Variants in RBMS3 observed in about 807,000 individuals in gnomAD.
RBMS3 encodes RNA binding motif single stranded interacting protein 3.
In RBMS3, 27 loss-of-function variants were observed where a neutral mutation model predicts 66.8. That is an observed-to-expected ratio of 0.40 (90% CI 0.30 to 0.56). The LOEUF (loss-of-function observed/expected upper bound fraction) is 0.56. Ranked by LOEUF, RBMS3 falls within the 20% of genes least tolerant of loss-of-function variation. The pLI is 0.40. For missense variants in RBMS3, 513 were observed against 549.5 expected (o/e 0.93, Z 0.66); for synonymous variants, 188 against 183.0 (o/e 1.03, Z -0.22).
Position 29,505,373 on chromosome 3 carries a change from A to G in RBMS3, c.307+16874A>G, listed in dbSNP as rs1209608561. 2.6e-5 allele frequency among the ~76,000 whole-genome samples: 4 copies of G among 151,970 alleles called. 1 individual carries two copies. Among genetic ancestry groups the G allele is most frequent in the South Asian group, 4.1e-4 (2 of 4,824 alleles). On this transcript the variant is annotated intron_variant, in intron 3 of 14. Transcript: ENST00000383767. Reference sequence around the variant, plus strand: ...TCAAAACTCAATTGACTGTAATCACATGGATTTGTTTCTGGGATCTCTATT... The same window carrying G: ...TCAAAACTCAATTGACTGTAATCACGTGGATTTGTTTCTGGGATCTCTATT...
chr3:29,317,103 A>G (rs1310905881), intron 1 of RBMS3, among the ~76,000 whole-genome samples: 2 of 151,750 alleles, frequency 1.3e-5, no homozygotes, highest in African/African-American at 4.8e-5. Flanking sequence ...ACTCAGTCAA[A>G]TATTTGAAAA....
At chr3:29,562,224 C>A (rs570906428) in intron 3 of RBMS3, among the ~76,000 whole-genome samples, 2 of 152,162 alleles carry the variant, frequency 1.3e-5, no homozygotes, top group East Asian at 3.9e-4. Flanking sequence ...TGGATGGGCC[C>A]TGCAATAAAC....
At chr3:29,392,677 A>T (rs945204372) in intron 1 of RBMS3, among the ~76,000 whole-genome samples, 27 of 152,302 alleles carry the variant, frequency 1.8e-4, no homozygotes, top group African/African-American at 6.3e-4. Flanking sequence ...TAAACTGCAA[A>T]CCATGATTCT....
intron 4 of RBMS3, among the ~76,000 whole-genome samples, chr3:29,592,471 C>T (rs1164963359): frequency 6.6e-6 from 1 of 152,248 alleles, no homozygotes; most frequent in East Asian, 1.9e-4. Context: ...CCATCTCACA[C>T]CAGTTAGAAT....
chr3:29,524,391 G>A (rs2044991084), intron 3 of RBMS3, among the ~76,000 whole-genome samples: 1 of 146,592 alleles, frequency 6.8e-6, no homozygotes, highest in African/African-American at 2.5e-5. Context: ...CTTTAACCTG[G>A]AAGATATGAG....
At chr3:29,416,235 G>A (rs2040471888) in intron 1 of RBMS3, among the ~76,000 whole-genome samples, 1 of 152,134 alleles carries the variant, frequency 6.6e-6, no homozygotes, top group South Asian at 2.1e-4. Flanking sequence ...AGATGGAGGT[G>A]TGGCTGGAAA....
chr3:29,625,705 T>C (rs1267378162), intron 4 of RBMS3, among the ~76,000 whole-genome samples: 1 of 139,996 alleles, frequency 7.1e-6, no homozygotes, highest in Non-Finnish European at 1.5e-5. Context: ...TTAAAGTAAA[T>C]AAATAAATAA....
intron 1 of RBMS3, among the ~76,000 whole-genome samples, chr3:29,324,290 C>T (rs1325457215): frequency 1.3e-5 from 2 of 152,108 alleles, no homozygotes; most frequent in African/African-American, 4.8e-5. Flanking sequence ...TTCTTCTTTC[C>T]TTTTTCAGTT....
intron 12 of RBMS3, among the ~76,000 whole-genome samples, chr3:29,983,113 T>C (rs1297694955): frequency 6.6e-6 from 1 of 152,216 alleles, no homozygotes; most frequent in African/African-American, 2.4e-5. Context: ...CATATATATT[T>C]AGGATAATTA....
rs183722298 is a variant in RBMS3, at chr3:29,431,539, C to T, written c.76-3204C>T. 2.5e-3 allele frequency among the ~76,000 whole-genome samples: 375 copies of T among 152,064 alleles called. 2 individuals are homozygous for T. The highest frequency in any genetic ancestry group is 8.7e-3 in the African/African-American group (359 of 41,456). On this transcript the variant is annotated intron_variant, in intron 1 of 14. Transcript: ENST00000383767. ...ATCTCCCGACCTTGTGATCCGCCCT[C>T]CTCAGCCTCCCAAACTGCTGGGACT...
At chr3:29,861,096 C>T (rs2059203932) in intron 6 of RBMS3, among the ~76,000 whole-genome samples, 1 of 152,136 alleles carries the variant, frequency 6.6e-6, no homozygotes, top group African/African-American at 2.4e-5. Flanking sequence ...ATCTTCTGAC[C>T]TCGTGATCAT....
chr3:29,733,144 T>A (rs995616933), intron 4 of RBMS3, among the ~76,000 whole-genome samples: 26 of 152,146 alleles, frequency 1.7e-4, no homozygotes, highest in Admixed American at 1.7e-3. Context: ...TCAATGTTTT[T>A]AAAAAATATC....
intron 10 of RBMS3, among the ~76,000 whole-genome samples, chr3:29,922,966 T>C (rs2060832990): frequency 6.6e-6 from 1 of 152,222 alleles, no homozygotes; most frequent in South Asian, 2.1e-4. Context: ...CTCAAACTAA[T>C]TGAAGTGGTA....
chr3:29,474,941 A>C (rs947921199), intron 2 of RBMS3, among the ~76,000 whole-genome samples: 1 of 152,218 alleles, frequency 6.6e-6, no homozygotes, highest in Non-Finnish European at 1.5e-5. Context: ...TATAAAGAAT[A>C]GAAAGAGAAT....
chr3:29,505,667 G>T (rs533189823), intron 3 of RBMS3, among the ~76,000 whole-genome samples: 2 of 151,416 alleles, frequency 1.3e-5, no homozygotes, highest in South Asian at 4.2e-4. Context: ...AGATTGCTTT[G>T]GGTAGTATGG....
intron 10 of RBMS3, among the ~76,000 whole-genome samples, chr3:29,926,362 A>T (rs187124996): frequency 6.6e-6 from 1 of 152,326 alleles, no homozygotes; most frequent in African/African-American, 2.4e-5. Flanking sequence ...AGGGACCACA[A>T]AATAAAGTGC....
In RBMS3 at chr3:29,375,413, GAC is replaced by G. The variant is rs2038415011; in HGVS notation, c.76-59328_76-59327del. 2.0e-5 allele frequency among the ~76,000 whole-genome samples: 3 copies of G among 152,316 alleles called. No individual in the cohort carries two copies. The South Asian group carries it at 6.2e-4, about 32-fold the overall frequency. ...AAAGAAACTATCATCAGAGTGAACA[GAC>G]AACCTACGGAATGGGAGAAAATTTT... On this transcript the variant is annotated intron_variant, in intron 1 of 14. Coordinates refer to ENST00000383767, the MANE Select transcript of RBMS3 (RefSeq NM_001003793.3).
chr3:29,609,562 A>C (rs2048426217), intron 4 of RBMS3, among the ~76,000 whole-genome samples: 1 of 152,014 alleles, frequency 6.6e-6, no homozygotes. Context: ...ATAACCATAC[A>C]CAAATAATAC....
At chr3:29,564,186 T>A (rs1348467809) in intron 3 of RBMS3, among the ~76,000 whole-genome samples, 3 of 150,422 alleles carry the variant, frequency 2.0e-5, no homozygotes, top group Non-Finnish European at 4.4e-5. Flanking sequence ...TTACAATAAA[T>A]TTTTTTTAGG....
Sources: gnomAD v4.1 joint callset for allele counts (sites outside exome capture counted in the v4.1 genomes callset) on GRCh38, gnomAD v4.1.1 for gene constraint, MANE v1.5 for transcripts, NCBI Gene and HGNC (gene_info 2026-07-23, HGNC 2026-07-21) for gene names.